Variants in SAMSN1 observed in about 807,000 individuals in gnomAD.
SAMSN1 encodes SAM domain, SH3 domain and nuclear localization signals 1, also known as SAM domain-containing protein SAMSN-1.
A neutral mutation model predicts 42.0 loss-of-function variants in SAMSN1; 31 were observed. That is an observed-to-expected ratio of 0.74 (90% CI 0.55 to 1.00). The LOEUF is 1.00. Among genes scored for constraint, SAMSN1 ranks in the 50% least tolerant of loss-of-function variants. The pLI is 0.00. For missense variants in SAMSN1, 464 were observed against 439.4 expected (o/e 1.06, Z -0.50); for synonymous variants, 178 against 151.9 (o/e 1.17, Z -1.26).
chr21:14,534,047 G>A (rs566473647), intron 1 of SAMSN1, among the ~76,000 whole-genome samples: 1 of 152,246 alleles, frequency 6.6e-6, no homozygotes, highest in South Asian at 2.1e-4. Flanking sequence ...TTGTCTTTAA[G>A]GCAGATTACA....
intron 7 of SAMSN1, among the ~76,000 whole-genome samples, chr21:14,590,438 C>T (rs186300302): frequency 9.5e-4 from 144 of 151,966 alleles, no homozygotes; most frequent in African/African-American, 3.2e-3. Flanking sequence ...CCATCATGCC[C>T]GGTAATTTAT....
At chr21:14,610,880 A>G (rs920546322) in intron 4 of SAMSN1, among the ~76,000 whole-genome samples, 2 of 152,224 alleles carry the variant, frequency 1.3e-5, no homozygotes, top group Non-Finnish European at 2.9e-5. Context: ...GTCTCTTGAT[A>G]GCTTATGATT....
intron 2 of SAMSN1, among the ~76,000 whole-genome samples, chr21:14,556,291 A>AT (rs1466284555): frequency 6.6e-6 from 1 of 152,200 alleles, no homozygotes; most frequent in African/African-American, 2.4e-5. Context: ...AAAGCCTCAT[A>AT]TGATCTTCAT....
chr21:14,595,332 A>T (rs1408375960), intron 6 of SAMSN1, among the ~76,000 whole-genome samples: 1 of 152,066 alleles, frequency 6.6e-6, no homozygotes, highest in Non-Finnish European at 1.5e-5. Context: ...GGTTGAGGGG[A>T]GCTGCCTTGC....
intron 1 of SAMSN1, among the ~76,000 whole-genome samples, chr21:14,537,243 T>G (rs1979683845): frequency 6.6e-6 from 1 of 152,216 alleles, no homozygotes; most frequent in African/African-American, 2.4e-5. Flanking sequence ...TGCTCTTCCC[T>G]CTGCCCAGAG....
intron 2 of SAMSN1, among the ~76,000 whole-genome samples, chr21:14,574,669 G>T (rs558670222): frequency 6.6e-6 from 1 of 152,146 alleles, no homozygotes; most frequent in Admixed American, 6.5e-5. Context: ...TTTATCCTGG[G>T]TTTCTAGACT....
intron 5 of SAMSN1, among the ~76,000 whole-genome samples, chr21:14,503,806 A>G (rs536862953): frequency 2.0e-4 from 30 of 152,256 alleles, no homozygotes; most frequent in African/African-American, 6.7e-4. Context: ...ATAAATTAGG[A>G]AACCTGGGAG....
chr21:14,608,862 G>A (rs2123318169), intron 5 of SAMSN1, among the ~76,000 whole-genome samples: 1 of 152,268 alleles, frequency 6.6e-6, no homozygotes. Flanking sequence ...ACTTGGGGGT[G>A]AATACCAAGC....
chr21:14,486,289 C>T (rs928843592), intron 7 of SAMSN1, among the ~76,000 whole-genome samples, 175 bp from the exon 8 acceptor site: 1 of 152,122 alleles, frequency 6.6e-6, no homozygotes, highest in African/African-American at 2.4e-5. Flanking sequence ...TATTTGCACC[C>T]AAATATTCAA....
At chr21:14,646,617 GAAT>G (rs1983718723) in intron 1 of SAMSN1, among the ~76,000 whole-genome samples, 1 of 152,086 alleles carries the variant, frequency 6.6e-6, no homozygotes, top group Admixed American at 6.6e-5. Flanking sequence ...GACATATACA[GAAT>G]ATTATAACAC....
intron 2 of SAMSN1, among the ~76,000 whole-genome samples, chr21:14,579,875 C>G (rs1397566274): frequency 1.3e-5 from 2 of 152,100 alleles, no homozygotes; most frequent in Non-Finnish European, 2.9e-5. Context: ...AAATACTGAA[C>G]TAATTCCAGC....
rs572248094 is a variant in SAMSN1, at chr21:14,541,899, A to G, written c.57+4306T>C. On this transcript the variant is annotated intron_variant, in intron 1 of 7. Transcript: ENST00000400566. Reference sequence around the variant, plus strand: ...TTCCAGCGACTCGGGAGGCTGAGGCAGGAGAGTCACATAAGCTCAGGCATG... The same window carrying G: ...TTCCAGCGACTCGGGAGGCTGAGGCGGGAGAGTCACATAAGCTCAGGCATG... Among the ~76,000 whole-genome samples the G allele has an allele frequency of 2.6e-5, 4 of 151,936 alleles. No individual in the cohort carries two copies. The East Asian group carries it at 7.8e-4, about 29-fold the overall frequency.
intron 1 of SAMSN1, among the ~76,000 whole-genome samples, chr21:14,653,517 G>A (rs190622944): frequency 6.6e-6 from 1 of 151,956 alleles, no homozygotes; most frequent in Non-Finnish European, 1.5e-5. Context: ...ATGGCATTCT[G>A]GGAGGAAGCT....
intron 2 of SAMSN1, among the ~76,000 whole-genome samples, chr21:14,556,975 TA>T (rs1287758276): frequency 6.6e-6 from 1 of 152,152 alleles, no homozygotes; most frequent in Non-Finnish European, 1.5e-5. Context: ...ATAATAATAA[TA>T]ACTGATTAAC....
At chr21:14,648,665 A>C (rs1352246820) in intron 1 of SAMSN1, among the ~76,000 whole-genome samples, 113 of 150,696 alleles carry the variant, frequency 7.5e-4, no homozygotes, top group African/African-American at 2.2e-3. Flanking sequence ...AAACACATGA[A>C]AAAATGCTCA....
chr21:14,530,149 T>C (rs1210299275), intron 1 of SAMSN1, among the ~76,000 whole-genome samples: 1 of 151,838 alleles, frequency 6.6e-6, no homozygotes, highest in African/African-American at 2.4e-5. Flanking sequence ...ACCCCATCCC[T>C]ACTAAAAATA....
At chr21:14,579,951 TCCAGTG>T (rs1163055510) in intron 2 of SAMSN1, among the ~76,000 whole-genome samples, 2 of 148,630 alleles carry the variant, frequency 1.3e-5, no homozygotes, top group Admixed American at 1.3e-4. Flanking sequence ...GCTCTGTATC[TCCAGTG>T]CCTGATATTG....
At chr21:14,496,617 TGAAC>T (rs1257572958) in intron 7 of SAMSN1, among the ~76,000 whole-genome samples, 1 of 152,246 alleles carries the variant, frequency 6.6e-6, no homozygotes, top group Admixed American at 6.5e-5. Flanking sequence ...CTCCTTTACC[TGAAC>T]GAACTTACTA....
At chr21:14,622,220 C>T (rs1427073841) in intron 2 of SAMSN1, among the ~76,000 whole-genome samples, 1 of 152,248 alleles carries the variant, frequency 6.6e-6, no homozygotes, top group Non-Finnish European at 1.5e-5. Context: ...AGTGCCTCTC[C>T]TCCTCCAAAG....
Sources: allele counts gnomAD v4.1 joint callset (sites outside exome capture counted in the v4.1 genomes callset), GRCh38; gene constraint gnomAD v4.1.1; transcripts MANE v1.5; gene names NCBI Gene and HGNC (gene_info 2026-07-23, HGNC 2026-07-21).